The following PARD3B variants were observed in gnomAD, a reference collection of about 807,000 sequenced individuals.
PARD3B encodes the protein partitioning defective 3 homolog B.
A neutral mutation model predicts 130.2 loss-of-function variants in PARD3B; 103 were observed. The observed-to-expected ratio is 0.79, with a 90% confidence interval of 0.67 to 0.93. The LOEUF (loss-of-function observed/expected upper bound fraction) is 0.93, where lower values mean the gene tolerates loss of function less well. Among genes scored for constraint, PARD3B ranks in the 40% least tolerant of loss-of-function variants. PARD3B has a pLI of 0.00. For missense variants in PARD3B, 1,609 were observed against 1,499.2 expected (o/e 1.07, Z -1.21); for synonymous variants, 583 against 553.2 (o/e 1.05, Z -0.76).
chr2:205,260,325 C>A (rs1486043356), intron 16 of PARD3B, among the ~76,000 whole-genome samples: 1 of 152,062 alleles, frequency 6.6e-6, no homozygotes, highest in Non-Finnish European at 1.5e-5. Context: ...TGTCAGTGCT[C>A]AAAAAGTTCT....
intron 2 of PARD3B, among the ~76,000 whole-genome samples, chr2:204,695,628 A>G (rs760492655): frequency 3.3e-5 from 5 of 151,978 alleles, no homozygotes; most frequent in Non-Finnish European, 7.4e-5. Context: ...GTGTGTGGTA[A>G]CATTTTGAAC....
At chr2:205,047,508 A>T in intron 3 of PARD3B, 73 bp from the exon 4 acceptor site, 1 of 836,660 alleles carries the variant, frequency 1.2e-6, no homozygotes, top group Non-Finnish European at 1.9e-6. Context: ...CTTTTAAATT[A>T]AAGTGCATTG....
chr2:205,574,965 C>G (rs1231224210), intron 22 of PARD3B, among the ~76,000 whole-genome samples: 2 of 151,570 alleles, frequency 1.3e-5, no homozygotes, highest in Non-Finnish European at 2.9e-5. Flanking sequence ...AAAGGTTCAT[C>G]GTATCCTTTG....
intron 1 of PARD3B, among the ~76,000 whole-genome samples, chr2:204,591,596 T>C (rs1412536495): frequency 6.6e-6 from 1 of 152,198 alleles, no homozygotes; most frequent in Non-Finnish European, 1.5e-5. Flanking sequence ...GAACAATAGC[T>C]GCCAATTCAA....
At chr2:205,334,352 C>G (rs1251262325) in intron 18 of PARD3B, among the ~76,000 whole-genome samples, 3 of 152,208 alleles carry the variant, frequency 2.0e-5, no homozygotes, top group South Asian at 2.1e-4. Context: ...ATAATCCTGG[C>G]CATTTGAACA....
chr2:204,605,430 A>G (rs1191567381), intron 1 of PARD3B, among the ~76,000 whole-genome samples: 1 of 152,170 alleles, frequency 6.6e-6, no homozygotes, highest in Non-Finnish European at 1.5e-5. Flanking sequence ...TAAAAGGTAT[A>G]TCCTTCTACA....
At chr2:204,739,194 G>A (rs1258142202) in intron 2 of PARD3B, among the ~76,000 whole-genome samples, 2 of 152,146 alleles carry the variant, frequency 1.3e-5, no homozygotes, top group African/African-American at 2.4e-5. Flanking sequence ...TTATTTAAAT[G>A]TGTGTGTTGG....
At chr2:204,711,882 C>T (rs2038454918) in intron 2 of PARD3B, among the ~76,000 whole-genome samples, 1 of 152,074 alleles carries the variant, frequency 6.6e-6, no homozygotes, top group Non-Finnish European at 1.5e-5. Context: ...AGTGGGAAAA[C>T]AAATGTGCAG....
chr2:205,386,506 A>G (rs1038951578), intron 18 of PARD3B, among the ~76,000 whole-genome samples: 3 of 152,198 alleles, frequency 2.0e-5, no homozygotes, highest in Non-Finnish European at 2.9e-5. Context: ...AGAGCTTAGG[A>G]TAAGGGGAAA....
chr2:204,623,014 G>A lies in PARD3B; in HGVS notation c.121-63167G>A, dbSNP rs567274401. On this transcript the variant is annotated intron_variant, in intron 1 of 22. Coordinates refer to ENST00000406610, the MANE Select transcript of PARD3B (RefSeq NM_001302769.2). The surrounding 1 kb of genome is among the most constrained non-coding windows in gnomAD (Gnocchi z 4.5). ...CTTTCATTTGCTTAGGCAGTGCTTT[G>A]TCAGAGATGGCAGACTATAAATTGG... Among the ~76,000 whole-genome samples, 2 of 152,042 alleles carry A rather than the reference G, an allele frequency of 1.3e-5. No homozygotes were observed. The highest frequency in any genetic ancestry group is 2.9e-5 in the Non-Finnish European group (2 of 67,964).
chr2:205,333,322 G>T (rs1261216665), intron 18 of PARD3B, among the ~76,000 whole-genome samples: 8 of 149,680 alleles, frequency 5.3e-5, no homozygotes, highest in Non-Finnish European at 1.2e-4. Flanking sequence ...TATAAAAAAA[G>T]AATGTAAAAT....
intron 3 of PARD3B, among the ~76,000 whole-genome samples, chr2:205,031,701 C>G (rs2196161): frequency 0.75 from 113,316 of 152,010 alleles, 43,042 homozygotes; most frequent in East Asian, 0.9. Context: ...TAATGCAGTA[C>G]TTACAGGTAG....
At chr2:205,168,598 T>C (rs1288655090) in intron 11 of PARD3B, among the ~76,000 whole-genome samples, 1 of 152,068 alleles carries the variant, frequency 6.6e-6, no homozygotes, top group Non-Finnish European at 1.5e-5. Flanking sequence ...TCAACTTCAT[T>C]TTAGGTCAAG....
intron 22 of PARD3B, among the ~76,000 whole-genome samples, chr2:205,560,500 GA>G (rs1365182068): frequency 6.6e-6 from 1 of 152,140 alleles, no homozygotes; most frequent in South Asian, 2.1e-4. Context: ...CCTGAGAGTT[GA>G]AAAAACAGTG....
At chr2:204,833,489 C>T (rs2043907838) in intron 2 of PARD3B, among the ~76,000 whole-genome samples, 1 of 151,890 alleles carries the variant, frequency 6.6e-6, no homozygotes, top group African/African-American at 2.4e-5. Context: ...TGGCTGTGTC[C>T]CCACCCAATT....
chr2:205,232,116 C>A (rs1378468328), intron 15 of PARD3B, among the ~76,000 whole-genome samples: 5 of 152,194 alleles, frequency 3.3e-5, no homozygotes, highest in Admixed American at 2.0e-4. Flanking sequence ...TCAAGAGGAT[C>A]ACTCTTTCCA....
chr2:204,740,113 G>C (rs1018324344), intron 2 of PARD3B, among the ~76,000 whole-genome samples: 19 of 151,652 alleles, frequency 1.3e-4, no homozygotes, highest in African/African-American at 4.4e-4. Flanking sequence ...TCCCAGGTTC[G>C]AGTGATTCTA....
In PARD3B at chr2:204,799,142, C is replaced by T. The variant is rs2042476372; in HGVS notation, c.222+112860C>T. ...CTATGGGCCAGACGGGAGCCCACTA[C>T]CCTGAAGGGAGAGACCCAGACCTGG... On this transcript the variant is annotated intron_variant, in intron 2 of 22. Transcript: ENST00000406610. This position sits in a 1 kb window ranked among gnomAD's most constrained non-coding sequence, Gnocchi z 4.1. 6.6e-6 allele frequency among the ~76,000 whole-genome samples: 1 copy of T among 152,056 alleles called. No individual in the cohort carries two copies. The highest frequency in any genetic ancestry group is 2.4e-5 in the African/African-American group (1 of 41,402).
At chr2:205,500,284 G>A (rs2106342508) in intron 21 of PARD3B, among the ~76,000 whole-genome samples, 1 of 152,274 alleles carries the variant, frequency 6.6e-6, no homozygotes, top group African/African-American at 2.4e-5. Flanking sequence ...TGGTTTGGGG[G>A]AAGCAGAAGT....
Sources: allele counts gnomAD v4.1 joint callset (sites outside exome capture counted in the v4.1 genomes callset), GRCh38; gene constraint gnomAD v4.1.1; non-coding constraint Gnocchi (gnomAD v3.1); transcripts MANE v1.5; gene names NCBI Gene and HGNC (gene_info 2026-07-23, HGNC 2026-07-21).